Variants in ADGRB3 observed in about 807,000 individuals in gnomAD.
The protein encoded by ADGRB3 is brain-specific angiogenesis inhibitor 3.
ADGRB3 carries 37 observed loss-of-function variants against 193.4 expected under a neutral mutation model. The observed-to-expected ratio is 0.19, with a 90% CI of 0.15 to 0.25. ADGRB3 has a LOEUF of 0.25. Among genes scored for constraint, ADGRB3 ranks in the 10% least tolerant of loss-of-function variants. The pLI is 1.00. For missense variants in ADGRB3, 1,637 were observed against 1,852.9 expected, an observed-to-expected ratio of 0.88 and a Z score of 2.14; for synonymous variants, 690 against 644.2, an observed-to-expected ratio of 1.07 and a Z score of -1.08.
Position 68,638,629 on chromosome 6 carries a change from C to G in ADGRB3, c.-15-32C>G, listed in dbSNP as rs959798089. ...TTTTCTCAATGCACGTAGACTCCTA[C>G]TTGCATTTTACTTTCATTGCCATTT... On this transcript the variant is annotated intron_variant, in intron 2 of 31. Transcript: ENST00000370598. 4 of 1,554,298 alleles carry G rather than the reference C, an allele frequency of 2.6e-6. No individual in the cohort carries two copies. The African/African-American group carries it at 4.1e-5, about 16-fold the overall frequency.
chr6:69,158,768 C>G (rs951513354), intron 17 of ADGRB3, among the ~76,000 whole-genome samples: 1 of 151,934 alleles, frequency 6.6e-6, no homozygotes, highest in African/African-American at 2.4e-5. Flanking sequence ...TCAGCTGTTT[C>G]TCATCTACTT....
At chr6:69,185,851 T>C (rs933202603) in intron 17 of ADGRB3, among the ~76,000 whole-genome samples, 5 of 152,206 alleles carry the variant, frequency 3.3e-5, no homozygotes, top group African/African-American at 1.2e-4. Flanking sequence ...AAGAATCTGG[T>C]ATCTAATTCA....
chr6:69,097,258 C>T (rs314193), intron 17 of ADGRB3, among the ~76,000 whole-genome samples: 3,951 of 152,218 alleles, frequency 0.026, 68 homozygotes, highest in Non-Finnish European at 0.041. Context: ...ACAAATGTAT[C>T]TCTGGTTTTA....
chr6:68,778,948 A>G (rs1293011454), intron 3 of ADGRB3, among the ~76,000 whole-genome samples: 1 of 151,994 alleles, frequency 6.6e-6, no homozygotes, highest in African/African-American at 2.4e-5. Flanking sequence ...AACCGTGAAA[A>G]AATAAGCCAA....
intron 3 of ADGRB3, among the ~76,000 whole-genome samples, chr6:68,843,291 C>G (rs1387762805): frequency 1.3e-5 from 2 of 151,714 alleles, no homozygotes; most frequent in African/African-American, 2.4e-5. Flanking sequence ...AAGAGTCTAC[C>G]AAAAACTATT....
chr6:69,305,274 C>T (rs975145622), intron 20 of ADGRB3, among the ~76,000 whole-genome samples: 4 of 151,662 alleles, frequency 2.6e-5, no homozygotes, highest in Middle Eastern at 3.4e-3. Flanking sequence ...AAAGTTAATT[C>T]TTCTGATTCT....
chr6:69,288,953 G>C (rs769716796), intron 20 of ADGRB3, among the ~76,000 whole-genome samples: 1 of 152,038 alleles, frequency 6.6e-6, no homozygotes, highest in Non-Finnish European at 1.5e-5. Context: ...CATTCCATTT[G>C]TGTGTACACC....
At chr6:69,293,616 C>A (rs1260995109) in intron 20 of ADGRB3, among the ~76,000 whole-genome samples, 1 of 152,164 alleles carries the variant, frequency 6.6e-6, no homozygotes, top group African/African-American at 2.4e-5. Flanking sequence ...AGAGTCTTGA[C>A]TGCATTCACA....
chr6:68,989,940 C>T (rs1769185200), intron 10 of ADGRB3, among the ~76,000 whole-genome samples: 1 of 151,940 alleles, frequency 6.6e-6, no homozygotes, highest in Non-Finnish European at 1.5e-5. Context: ...TATATGATAT[C>T]AGGCAATTTT....
At chr6:69,210,151 T>TATATATATATATATATATATG (rs1429577666) in intron 17 of ADGRB3, among the ~76,000 whole-genome samples, 1 of 112,224 alleles carries the variant, frequency 8.9e-6, no homozygotes, top group Non-Finnish European at 1.8e-5. Context: ...ATATATATCA[T>TATATATATATATATATATATG]ATATATATAT....
intron 3 of ADGRB3, among the ~76,000 whole-genome samples, chr6:68,767,152 GT>G (rs781755531): frequency 6.6e-6 from 1 of 151,946 alleles, no homozygotes; most frequent in Non-Finnish European, 1.5e-5. Flanking sequence ...ATTTGTATAA[GT>G]ATCTTTATAT....
intron 3 of ADGRB3, among the ~76,000 whole-genome samples, chr6:68,893,340 T>G (rs1015626181): frequency 6.6e-6 from 1 of 152,036 alleles, no homozygotes; most frequent in African/African-American, 2.4e-5. Context: ...TGTATTTCAC[T>G]AGGAATGAAA....
chr6:68,712,213 A>T (rs1008102815), intron 3 of ADGRB3, among the ~76,000 whole-genome samples: 11 of 151,994 alleles, frequency 7.2e-5, no homozygotes, highest in African/African-American at 2.7e-4. Flanking sequence ...TTTGCAACTT[A>T]TCTGAGTTCA....
At chr6:68,998,643 C>T (rs956247609) in intron 11 of ADGRB3, among the ~76,000 whole-genome samples, 4 of 152,196 alleles carry the variant, frequency 2.6e-5, no homozygotes, top group African/African-American at 4.8e-5. Context: ...AAGTCCATAT[C>T]AAAGCCTATA....
chr6:68,990,309 C>A (rs576243228), intron 10 of ADGRB3, among the ~76,000 whole-genome samples: 1 of 152,050 alleles, frequency 6.6e-6, no homozygotes, highest in African/African-American at 2.4e-5. Flanking sequence ...TGGACAGAAA[C>A]GTATGTTATT....
At chr6:68,855,335 C>T (rs1234707062) in intron 3 of ADGRB3, among the ~76,000 whole-genome samples, 3 of 152,026 alleles carry the variant, frequency 2.0e-5, no homozygotes, top group Non-Finnish European at 4.4e-5. Context: ...TGTCCACTGT[C>T]CTTATGACAG....
chr6:68,836,762 G>A (rs1768053860), intron 3 of ADGRB3, among the ~76,000 whole-genome samples: 1 of 152,174 alleles, frequency 6.6e-6, no homozygotes, highest in Non-Finnish European at 1.5e-5. Context: ...GGCTGAGGCA[G>A]ATGGTTTGCC....
chr6:69,032,371 A>C (rs375180998), intron 13 of ADGRB3, among the ~76,000 whole-genome samples: 3 of 152,232 alleles, frequency 2.0e-5, no homozygotes, highest in Non-Finnish European at 4.4e-5. Flanking sequence ...TGAAATTAGT[A>C]AAGTTATCAC....
chr6:68,666,035 T>G (rs556757245), intron 3 of ADGRB3, among the ~76,000 whole-genome samples: 2 of 152,006 alleles, frequency 1.3e-5, no homozygotes, highest in Non-Finnish European at 2.9e-5. Flanking sequence ...TTGGAATATA[T>G]TCATGGGATT....
Sources: allele counts gnomAD v4.1 joint callset (sites outside exome capture counted in the v4.1 genomes callset), GRCh38; gene constraint gnomAD v4.1.1; transcripts MANE v1.5; gene names NCBI Gene and HGNC (gene_info 2026-07-23, HGNC 2026-07-21).